Variants in ARMC3 observed in about 807,000 individuals in gnomAD.
The protein encoded by ARMC3 is armadillo repeat containing 3, also known as armadillo repeat-containing protein 3.
Under a neutral mutation model 90.3 loss-of-function variants are expected in ARMC3, and 74 were observed. That is an observed-to-expected ratio of 0.82 (90% CI 0.68 to 0.99). ARMC3 has a LOEUF of 0.99. Ranked by LOEUF, ARMC3 falls within the 50% of genes least tolerant of loss-of-function variation. ARMC3 has a pLI of 0.00. For synonymous variants in ARMC3, 334 were observed against 361.8 expected (o/e 0.92, Z 0.87); for missense variants, 958 against 1,042.8 (o/e 0.92, Z 1.12).
At chr10:22,959,160 G>C (rs755560480) in intron 5 of ARMC3, 22 bp downstream of exon 5, 45 of 1,596,460 alleles carry the variant, frequency 2.8e-5, no homozygotes, top group Middle Eastern at 1.7e-4. Flanking sequence ...TTCTATATCT[G>C]TTTTAAAAAA....
intron 2 of ARMC3, among the ~76,000 whole-genome samples, chr10:22,937,521 G>T (rs1405608147): frequency 6.6e-6 from 1 of 152,176 alleles, no homozygotes; most frequent in Non-Finnish European, 1.5e-5. Flanking sequence ...TGCCCTAAGT[G>T]GTGAAGATGA....
chr10:22,966,677 A>T (rs1304900906), intron 7 of ARMC3, among the ~76,000 whole-genome samples: 1 of 152,114 alleles, frequency 6.6e-6, no homozygotes, highest in Non-Finnish European at 1.5e-5. Context: ...GGTTTAAATG[A>T]CTCACAGATC....
In ARMC3 at chr10:22,973,293, T is replaced by TTAATAA. The variant is rs148238155; in HGVS notation, c.916+4841_916+4846dup. ...CAGCCTGGGTAACTGAGCAAGACCC[T>TTAATAA]TAATAATAATAATAATAATAATAAT... On this transcript the variant is annotated intron_variant, in intron 8 of 18. Transcript: ENST00000298032. Among the ~76,000 whole-genome samples, 1,263 of 140,882 alleles carry TTAATAA rather than the reference T, an allele frequency of 9.0e-3. 10 individuals are homozygous for TTAATAA. The highest frequency in any genetic ancestry group is 0.011 in the Admixed American group (159 of 13,956). The allele number at this position is 140,882 out of a possible 152,430, so 92.4% of individuals were successfully genotyped here. A position where few individuals can be genotyped will look rare whatever the true frequency, so the allele number is the denominator to read the frequency against.
intron 16 of ARMC3, among the ~76,000 whole-genome samples, chr10:23,029,796 G>A (rs976981935): frequency 1.3e-5 from 2 of 152,114 alleles, no homozygotes; most frequent in African/African-American, 4.8e-5. Context: ...CATTTCTCTA[G>A]ATAAACCTTG....
intron 10 of ARMC3, among the ~76,000 whole-genome samples, chr10:22,992,862 C>T (rs1249625481): frequency 2.0e-5 from 3 of 152,168 alleles, no homozygotes; most frequent in Non-Finnish European, 4.4e-5. Context: ...GCCAGTGTTC[C>T]ACCTGTTCAG....
At chr10:23,033,878 G>T (rs190353029) in intron 18 of ARMC3, among the ~76,000 whole-genome samples, 56 of 152,264 alleles carry the variant, frequency 3.7e-4, no homozygotes, top group Middle Eastern at 3.4e-3. Context: ...AGCTGGTAAT[G>T]ATGGCATTAT....
intron 16 of ARMC3, among the ~76,000 whole-genome samples, chr10:23,020,753 C>T (rs900707347): frequency 6.6e-6 from 1 of 152,114 alleles, no homozygotes; most frequent in African/African-American, 2.4e-5. Flanking sequence ...GGTGAAGTAT[C>T]TGTTCAAGTA....
At chr10:23,004,533 A>ACTCAGG (rs1837482432) in intron 13 of ARMC3, among the ~76,000 whole-genome samples, 1 of 152,122 alleles carries the variant, frequency 6.6e-6, no homozygotes, top group Non-Finnish European at 1.5e-5. Context: ...GTCATGGGAA[A>ACTCAGG]ACTCAGAAGT....
chr10:23,020,909 G>A (rs553619515), intron 16 of ARMC3, among the ~76,000 whole-genome samples: 11 of 152,256 alleles, frequency 7.2e-5, no homozygotes, highest in Non-Finnish European at 7.4e-5. Context: ...CACCCAGGTA[G>A]TGAGCCCAAT....
chr10:22,981,211 C>G lies in ARMC3; in HGVS notation c.917-129C>G, dbSNP rs1431364524. On this transcript the variant is annotated intron_variant, in intron 8 of 18. Coordinates refer to ENST00000298032, the MANE Select transcript of ARMC3 (RefSeq NM_173081.5). ...AAAGTTAAATAGTTGTAGATTTTGT[C>G]TAGTTTAGACTCTGGTACTAAAACT... 8 of 781,244 alleles carry G rather than the reference C, an allele frequency of 1.0e-5. No individual in the cohort carries two copies. The Middle Eastern group carries it at 1.5e-3, about 148-fold the overall frequency. The allele number at this position is 781,244 out of a possible 1,614,324, so 48.4% of individuals were successfully genotyped here.
At chr10:22,944,451 G>A (rs1180403929) in intron 2 of ARMC3, among the ~76,000 whole-genome samples, 5 of 152,080 alleles carry the variant, frequency 3.3e-5, no homozygotes, top group African/African-American at 1.2e-4. Flanking sequence ...CATATCTGAA[G>A]TTCTACCACA....
chr10:23,007,021 A>C (rs1388574361), intron 14 of ARMC3, 40 bp downstream of exon 14: 1 of 1,478,636 alleles, frequency 6.8e-7, no homozygotes, highest in Non-Finnish European at 9.2e-7. Context: ...GGAAGCACAT[A>C]CTGCTTGTTG....
At chr10:23,018,969 C>G (rs570132676) in intron 16 of ARMC3, among the ~76,000 whole-genome samples, 1 of 152,308 alleles carries the variant, frequency 6.6e-6, no homozygotes, top group African/African-American at 2.4e-5. Flanking sequence ...CAAAGCTGCT[C>G]TAGTGAGTGG....
rs545111497 is a variant in ARMC3, at chr10:22,960,136, C to G, written c.537+562C>G. 79 of 252,656 alleles carry G rather than the reference C, an allele frequency of 3.1e-4. 2 individuals are homozygous for G. Among genetic ancestry groups the G allele is most frequent in the South Asian group, 3.1e-3 (77 of 24,886 alleles). The allele number at this position is 252,656 out of a possible 1,614,324, so 15.7% of individuals were successfully genotyped here. ...AGTCCTGTCCTTTGCACCCCAACCC[C>G]CAGAATACACACACATACACACACA... On this transcript the variant is annotated intron_variant, in intron 6 of 18. Coordinates refer to ENST00000298032, the MANE Select transcript of ARMC3 (RefSeq NM_173081.5).
At chr10:22,958,465 G>T (rs1835045743) in intron 4 of ARMC3, among the ~76,000 whole-genome samples, 1 of 152,038 alleles carries the variant, frequency 6.6e-6, no homozygotes, top group South Asian at 2.1e-4. Context: ...TAAACGTAGG[G>T]CACAGTGACT....
At chr10:22,993,923 G>A (rs1333425388) in intron 10 of ARMC3, among the ~76,000 whole-genome samples, 1 of 152,182 alleles carries the variant, frequency 6.6e-6, no homozygotes, top group Non-Finnish European at 1.5e-5. Flanking sequence ...GATGTTCTTA[G>A]CATCCTTTCT....
chr10:23,028,395 T>C (rs1838802115), intron 16 of ARMC3, among the ~76,000 whole-genome samples: 1 of 152,202 alleles, frequency 6.6e-6, no homozygotes, highest in African/African-American at 2.4e-5. Flanking sequence ...ATCTTACTTC[T>C]TGAAGCATTT....
chr10:23,032,805 G>A, intron 17 of ARMC3, 56 bp from the exon 18 acceptor site: 1 of 1,515,840 alleles, frequency 6.6e-7, no homozygotes, highest in Non-Finnish European at 9.0e-7. Flanking sequence ...TACACTCAAA[G>A]CATCCTAAGC....
chr10:23,011,632 C>G (rs183749456), intron 16 of ARMC3, among the ~76,000 whole-genome samples: 91 of 152,306 alleles, frequency 6.0e-4, no homozygotes, highest in Non-Finnish European at 1.1e-3. Context: ...CTCTCTTACT[C>G]CCTCCACCTG....
Sources: allele counts gnomAD v4.1 joint callset (sites outside exome capture counted in the v4.1 genomes callset), GRCh38; gene constraint gnomAD v4.1.1; transcripts MANE v1.5; gene names NCBI Gene and HGNC (gene_info 2026-07-23, HGNC 2026-07-21).